Variants in PLCXD3 observed in about 807,000 individuals in gnomAD.
PLCXD3 encodes PI-PLC X domain-containing protein 3.
In PLCXD3, 19 loss-of-function variants were observed where a neutral mutation model predicts 25.5. The ratio of observed to expected loss-of-function variants is 0.75; its 90% CI spans 0.52 to 1.09. The LOEUF is 1.09. PLCXD3 is among the 50% of genes least tolerant of loss of function. The pLI, the probability that PLCXD3 is intolerant of heterozygous loss-of-function variation, is 0.00. For missense variants in PLCXD3, 411 were observed against 388.1 expected (o/e 1.06, Z -0.50); for synonymous variants, 174 against 137.6 (o/e 1.26, Z -1.85).
intron 2 of PLCXD3, among the ~76,000 whole-genome samples, chr5:41,366,505 A>G (rs1744941078): frequency 1.3e-5 from 2 of 152,210 alleles, no homozygotes; most frequent in Non-Finnish European, 2.9e-5. Flanking sequence ...TTCCTTAATA[A>G]GCAGGAAGAA....
intron 2 of PLCXD3, among the ~76,000 whole-genome samples, chr5:41,375,731 T>C (rs73077908): frequency 0.22 from 33,465 of 151,980 alleles, 4,118 homozygotes; most frequent in African/African-American, 0.31. Flanking sequence ...TTTACTTTCC[T>C]AAACCCCTAG....
intron 1 of PLCXD3, among the ~76,000 whole-genome samples, chr5:41,412,765 G>A (rs953902672): frequency 6.6e-6 from 1 of 152,104 alleles, no homozygotes; most frequent in African/African-American, 2.4e-5. Flanking sequence ...ACCCCCTAAT[G>A]CTAAAAGGAC....
At chr5:41,479,890 C>G (rs1250811195) in intron 1 of PLCXD3, among the ~76,000 whole-genome samples, 2 of 152,162 alleles carry the variant, frequency 1.3e-5, no homozygotes, top group Non-Finnish European at 1.5e-5. Flanking sequence ...GTCAAAACAA[C>G]TAATACATCA....
At chr5:41,403,664 T>C (rs1240955318) in intron 1 of PLCXD3, among the ~76,000 whole-genome samples, 2 of 115,526 alleles carry the variant, frequency 1.7e-5, no homozygotes, top group Admixed American at 9.8e-5. Context: ...GTTTGGTTTT[T>C]TGTTCTTGCG....
intron 2 of PLCXD3, among the ~76,000 whole-genome samples, chr5:41,372,266 A>G (rs1745118312): frequency 6.6e-6 from 1 of 150,826 alleles, no homozygotes; most frequent in African/African-American, 2.4e-5. Flanking sequence ...TCAGAAAAGT[A>G]TATGTATTCA....
intron 2 of PLCXD3, among the ~76,000 whole-genome samples, chr5:41,361,840 T>C (rs1360155192): frequency 1.3e-5 from 2 of 152,220 alleles, no homozygotes; most frequent in African/African-American, 4.8e-5. Context: ...GCTTGAATAT[T>C]GAACTAATTA....
At chr5:41,314,379 G>C (rs916181637) in intron 2 of PLCXD3, among the ~76,000 whole-genome samples, 1 of 152,100 alleles carries the variant, frequency 6.6e-6, no homozygotes. Context: ...GAACAAAACA[G>C]ATAAAAATAT....
chr5:41,501,277 C>A (rs963929840), intron 1 of PLCXD3, among the ~76,000 whole-genome samples: 1 of 151,858 alleles, frequency 6.6e-6, no homozygotes, highest in Admixed American at 6.6e-5. Flanking sequence ...GCTTCAGTAT[C>A]GTTCACAATC....
chr5:41,384,904 C>T (rs1745588257), intron 1 of PLCXD3, among the ~76,000 whole-genome samples: 1 of 151,982 alleles, frequency 6.6e-6, no homozygotes, highest in African/African-American at 2.4e-5. Flanking sequence ...TGAGGTGTAG[C>T]CACAGCACCT....
chr5:41,451,784 T>C (rs920113156), intron 1 of PLCXD3, among the ~76,000 whole-genome samples: 2 of 151,962 alleles, frequency 1.3e-5, no homozygotes, highest in Admixed American at 1.3e-4. Flanking sequence ...TTCACATTTG[T>C]CACTTTTTTG....
At chr5:41,445,293 G>A (rs1747468245) in intron 1 of PLCXD3, among the ~76,000 whole-genome samples, 1 of 152,168 alleles carries the variant, frequency 6.6e-6, no homozygotes, top group African/African-American at 2.4e-5. Flanking sequence ...CCAGTGCTCA[G>A]GTTCTCTCAT....
At chr5:41,426,605 T>G (rs1580367577) in intron 1 of PLCXD3, among the ~76,000 whole-genome samples, 1 of 152,256 alleles carries the variant, frequency 6.6e-6, no homozygotes, top group Non-Finnish European at 1.5e-5. Context: ...ATGATTAAAA[T>G]AATTATCCCT....
chr5:41,330,640 C>G lies in PLCXD3; in HGVS notation c.813-16870G>C, dbSNP rs140496819. Reference sequence around the variant, plus strand: ...TACCAAAGCTGGGCCGAAACACAACCAAAAAAGACAATTTTAGACCAATAT... The same window carrying G: ...TACCAAAGCTGGGCCGAAACACAACGAAAAAAGACAATTTTAGACCAATAT... On this transcript the variant is annotated intron_variant, in intron 2 of 2. Transcript: ENST00000377801. Among the ~76,000 whole-genome samples, 1,346 of 152,098 alleles carry G rather than the reference C, an allele frequency of 8.8e-3. 16 individuals are homozygous for G. The highest frequency in any genetic ancestry group is 0.03 in the African/African-American group (1,264 of 41,510).
chr5:41,437,208 A>G (rs1747274830), intron 1 of PLCXD3, among the ~76,000 whole-genome samples: 1 of 152,236 alleles, frequency 6.6e-6, no homozygotes, highest in African/African-American at 2.4e-5. Flanking sequence ...AAACACAGTG[A>G]CAAGACATCA....
chr5:41,423,268 A>T (rs149577907), intron 1 of PLCXD3, among the ~76,000 whole-genome samples: 119 of 152,238 alleles, frequency 7.8e-4, no homozygotes, highest in African/African-American at 2.6e-3. Context: ...CTGGAAATAT[A>T]CTTTGGTCTA....
intron 1 of PLCXD3, among the ~76,000 whole-genome samples, chr5:41,445,703 C>CAATCAGG (rs1185835632): frequency 6.6e-6 from 1 of 152,108 alleles, no homozygotes; most frequent in Non-Finnish European, 1.5e-5. Context: ...CAATTCAGAA[C>CAATCAGG]AATCAGGAAT....
At chr5:41,387,345 T>C (rs1302168947) in intron 1 of PLCXD3, among the ~76,000 whole-genome samples, 1 of 152,106 alleles carries the variant, frequency 6.6e-6, no homozygotes, top group Non-Finnish European at 1.5e-5. Flanking sequence ...AGCTAATTCA[T>C]ATCCATCGTC....
intron 1 of PLCXD3, among the ~76,000 whole-genome samples, chr5:41,443,193 G>T (rs1369511415): frequency 6.6e-6 from 1 of 151,260 alleles, no homozygotes; most frequent in Non-Finnish European, 1.5e-5. Flanking sequence ...TACCACAATG[G>T]TCACATGAGA....
intron 2 of PLCXD3, among the ~76,000 whole-genome samples, chr5:41,373,144 G>C (rs1054173767): frequency 6.6e-6 from 1 of 152,102 alleles, no homozygotes; most frequent in South Asian, 2.1e-4. Context: ...GCCACTAAAA[G>C]ACTTTCTTTC....
Sources: allele counts gnomAD v4.1 joint callset (sites outside exome capture counted in the v4.1 genomes callset), GRCh38; gene constraint gnomAD v4.1.1; transcripts MANE v1.5; gene names NCBI Gene and HGNC (gene_info 2026-07-23, HGNC 2026-07-21).